DAB1: variants seen among roughly 807,000 people sequenced by gnomAD.
DAB1 encodes the protein disabled homolog 1.
A neutral mutation model predicts 64.6 loss-of-function variants in DAB1; 15 were observed. The ratio of observed to expected loss-of-function variants is 0.23; its 90% CI spans 0.16 to 0.36. The LOEUF (loss-of-function observed/expected upper bound fraction) is 0.36, where lower values mean the gene tolerates loss of function less well. Ranked by LOEUF, DAB1 falls within the 10% of genes least tolerant of loss-of-function variation. The pLI, the probability that DAB1 is intolerant of heterozygous loss-of-function variation, is 1.00. For synonymous variants in DAB1, 235 were observed against 251.9 expected (o/e 0.93, Z 0.64); for missense variants, 596 against 706.7 (o/e 0.84, Z 1.78).
At chr1:57,403,696 T>C (rs992712595) in intron 1 of DAB1, among the ~76,000 whole-genome samples, 3 of 152,316 alleles carry the variant, frequency 2.0e-5, no homozygotes, top group African/African-American at 7.2e-5. Flanking sequence ...AAATTTTTTA[T>C]GGATATGTCA....
chr1:57,442,956 C>T (rs1460295296), intron 7 of DAB1, among the ~76,000 whole-genome samples: 3 of 152,180 alleles, frequency 2.0e-5, no homozygotes, highest in Admixed American at 6.5e-5. Context: ...CAGGCATTTC[C>T]TTCTACTCTT....
At chr1:57,053,202 G>T (rs963597432) in intron 9 of DAB1, among the ~76,000 whole-genome samples, 1 of 152,118 alleles carries the variant, frequency 6.6e-6, no homozygotes, top group Non-Finnish European at 1.5e-5. Flanking sequence ...TTGGCGGGGG[G>T]TCTGATCATT....
At chr1:57,781,906 T>C (rs2406283) in intron 6 of DAB1, among the ~76,000 whole-genome samples, 22,401 of 152,086 alleles carry the variant, frequency 0.15, 1,862 homozygotes, top group East Asian at 0.26. Context: ...TGTAAAAACA[T>C]AACATCTGGG....
chr1:58,060,563 A>G (rs10443242), intron 5 of DAB1, among the ~76,000 whole-genome samples: 31,401 of 152,156 alleles, frequency 0.21, 3,662 homozygotes, highest in East Asian at 0.31. Context: ...GAAACCGCAG[A>G]TGCCCAGGAG....
At chr1:58,481,059 T>C in intron 3 of DAB1, 3 of 872,078 alleles carry the variant, frequency 3.4e-6, no homozygotes, top group Non-Finnish European at 6.0e-6. Flanking sequence ...CTTCGTGATA[T>C]TTAGGTCTTC....
In DAB1 at chr1:58,074,537, TATATATACAC is replaced by T. The variant is rs1489216088; in HGVS notation, n.387+75964_387+75973del. ...TAATATATATACATATATATATATA[TATATATACAC>T]ACATATATATATGTGTGTATATATA... On this transcript the variant is annotated intron_variant and non_coding_transcript_variant, in intron 5 of 20. Transcript: ENST00000485760. The T allele has an allele frequency of 2.1e-3, 230 of 110,398 alleles. 2 individuals carry two copies. The highest frequency in any genetic ancestry group is 7.9e-3 in the African/African-American group (212 of 26,898). 6.8% of individuals were successfully genotyped at this position (110,398 alleles called of 1,614,324 possible).
intron 6 of DAB1, among the ~76,000 whole-genome samples, chr1:57,702,588 C>T (rs1646919478): frequency 6.6e-6 from 1 of 152,098 alleles, no homozygotes; most frequent in Non-Finnish European, 1.5e-5. Context: ...CTCCGTTATG[C>T]TACTTATTTT....
In DAB1 at chr1:57,598,247, G is replaced by T. The variant is rs564072856; in HGVS notation, n.625+51345C>A. ...TCCACCCGCCTCGGCCTCCCAAAGTGCTGGGATTACAGGCGTGAGCCACGG... is the reference window on the plus strand; with the variant it reads ...TCCACCCGCCTCGGCCTCCCAAAGTTCTGGGATTACAGGCGTGAGCCACGG... On this transcript the variant is annotated intron_variant and non_coding_transcript_variant, in intron 7 of 20. Coordinates refer to the DAB1 transcript ENST00000485760. Among the ~76,000 whole-genome samples, 9 of 152,370 alleles carry T rather than the reference G, an allele frequency of 5.9e-5. No individual in the cohort carries two copies. The East Asian group carries it at 1.5e-3, about 26-fold the overall frequency.
At chr1:58,408,169 G>A (rs78665639) in intron 3 of DAB1, among the ~76,000 whole-genome samples, 5,483 of 152,258 alleles carry the variant, frequency 0.036, 143 homozygotes, top group African/African-American at 0.076. Context: ...CCATCCAGGC[G>A]ATTCTGATGC....
intron 7 of DAB1, among the ~76,000 whole-genome samples, chr1:57,572,011 C>T (rs533204061): frequency 6.6e-6 from 1 of 152,170 alleles, no homozygotes; most frequent in African/African-American, 2.4e-5. Flanking sequence ...AATGTTCAAG[C>T]ATGGACAGTC....
intron 7 of DAB1, among the ~76,000 whole-genome samples, chr1:57,459,046 T>C (rs1686694508): frequency 6.6e-6 from 1 of 152,118 alleles, no homozygotes; most frequent in African/African-American, 2.4e-5. Context: ...AAAGTGATAA[T>C]AATCAGTTTT....
intron 6 of DAB1, among the ~76,000 whole-genome samples, chr1:57,660,201 T>C (rs1646369710): frequency 1.3e-5 from 2 of 152,254 alleles, no homozygotes; most frequent in South Asian, 4.1e-4. Flanking sequence ...AGACTGAGTT[T>C]GCATTCATGG....
At position 57,291,369 on chromosome 1, in the gene DAB1, A is replaced by C. The variant is rs79582403; in HGVS notation, c.-136-203T>G. ...TAGCGGCAAAACTGCTTCTCAAACT[A>C]GGTAACTCAAAATAGATCTTTAAAA... On this transcript the variant is annotated intron_variant, in intron 1 of 14. Coordinates refer to ENST00000371236, the MANE Select transcript of DAB1 (RefSeq NM_001365792.1). Among the ~76,000 whole-genome samples the C allele has an allele frequency of 0.025, 3,832 of 152,290 alleles. 156 individuals are homozygous for C. The highest frequency in any genetic ancestry group is 0.088 in the African/African-American group (3,654 of 41,534).
intron 7 of DAB1, among the ~76,000 whole-genome samples, chr1:57,547,658 A>G (rs1644870666): frequency 6.6e-6 from 1 of 152,210 alleles, no homozygotes; most frequent in African/African-American, 2.4e-5. Context: ...ATATGCACAT[A>G]AAAATATAAG....
At chr1:57,024,660 T>C (rs706361) in intron 10 of DAB1, among the ~76,000 whole-genome samples, 28,225 of 152,058 alleles carry the variant, frequency 0.19, 3,114 homozygotes, top group East Asian at 0.39. Context: ...ACACAGTCAG[T>C]GCTGTTCTTT....
rs57907821 is a variant in DAB1, at chr1:57,704,878, T to TTTCCTTCC, written n.552-55221_552-55214dup. Among the ~76,000 whole-genome samples, 705 of 146,366 alleles carry TTTCCTTCC rather than the reference T, an allele frequency of 4.8e-3. 12 individuals carry two copies. The highest frequency in any genetic ancestry group is 0.016 in the African/African-American group (621 of 39,672). Reference sequence around the variant, plus strand: ...TGCCCTTGCTCTTTGGGAAATTTCTTTTCCTTCCTTCCTTCCTTCCTTCCT... The same window carrying TTTCCTTCC: ...TGCCCTTGCTCTTTGGGAAATTTCTTTTCCTTCCTTCCTTCCTTCCTTCCTTCCTTCCT... On this transcript the variant is annotated intron_variant and non_coding_transcript_variant, in intron 6 of 20. Coordinates refer to the DAB1 transcript ENST00000485760.
intron 3 of DAB1, among the ~76,000 whole-genome samples, chr1:58,365,902 G>T (rs1324153995): frequency 2.6e-5 from 4 of 152,138 alleles, no homozygotes; most frequent in African/African-American, 9.7e-5. Flanking sequence ...ATGAAGAGTG[G>T]TCCAAGAAAG....
At chr1:58,410,878 A>G (rs1365651823) in intron 3 of DAB1, among the ~76,000 whole-genome samples, 2 of 152,350 alleles carry the variant, frequency 1.3e-5, no homozygotes, top group Admixed American at 6.5e-5. Context: ...AAACATTTGC[A>G]GTCTGCTTTA....
rs144831474 is a variant in DAB1, at chr1:57,923,227, C to G, written n.388-39065G>C. 1.3e-4 allele frequency among the ~76,000 whole-genome samples: 20 copies of G among 152,100 alleles called. No homozygotes were observed. The East Asian group carries it at 3.9e-3, about 29-fold the overall frequency. ...TCAACCAGGAATTTCCTGCCGATAT[C>G]AAATAGAGGTGGGAAATGATTTTGC... On this transcript the variant is annotated intron_variant and non_coding_transcript_variant, in intron 5 of 20. Transcript: ENST00000485760.
Sources: gnomAD v4.1 joint callset for allele counts (sites outside exome capture counted in the v4.1 genomes callset) on GRCh38, gnomAD v4.1.1 for gene constraint, MANE v1.5 for transcripts, NCBI Gene and HGNC (gene_info 2026-07-23, HGNC 2026-07-21) for gene names.